CCDC171: variants seen among roughly 807,000 people sequenced by gnomAD.
CCDC171 encodes coiled-coil domain-containing protein 171.
In CCDC171, 177 loss-of-function variants were observed where a neutral mutation model predicts 168.2. The observed-to-expected ratio is 1.05, with a 90% CI of 0.93 to 1.19. The LOEUF (loss-of-function observed/expected upper bound fraction) is 1.19, where lower values mean the gene tolerates loss of function less well. CCDC171 is among the 50% of genes most tolerant of loss of function. CCDC171 has a pLI of 0.00. For synonymous variants in CCDC171, 687 were observed against 540.8 expected, an observed-to-expected ratio of 1.27 and a Z score of -3.75; for missense variants, 1,991 against 1,539.0, an observed-to-expected ratio of 1.29 and a Z score of -4.91.
Position 15,600,081 on chromosome 9 carries a change from C to T in CCDC171, c.675+5909C>T, listed in dbSNP as rs140504293. ...TTTTTCATCTTCTTTGCCATGGGTT[C>T]GAACTTCCTCCTTTAGCTCGGAGTA... On this transcript the variant is annotated intron_variant, in intron 6 of 25. Coordinates refer to ENST00000380701, the MANE Select transcript of CCDC171 (RefSeq NM_173550.4). Among the ~76,000 whole-genome samples, 34 of 152,232 alleles carry T rather than the reference C, an allele frequency of 2.2e-4. No homozygotes were observed. The East Asian group carries it at 5.4e-3, about 24-fold the overall frequency.
chr9:15,602,490 C>G lies in CCDC171; in HGVS notation c.675+8318C>G, dbSNP rs183700084. Among the ~76,000 whole-genome samples, 5 of 152,050 alleles carry G rather than the reference C, an allele frequency of 3.3e-5. No individual in the cohort carries two copies. The East Asian group carries it at 5.8e-4, about 18-fold the overall frequency. On this transcript the variant is annotated intron_variant, in intron 6 of 25. Transcript: ENST00000380701. ...TTCAGACCCACCATAAAAAGAAAAT[C>G]TCAATTTTATGCCATATTCTTTTTC...
At chr9:15,659,410 G>A (rs557246155) in intron 8 of CCDC171, among the ~76,000 whole-genome samples, 1 of 152,140 alleles carries the variant, frequency 6.6e-6, no homozygotes, top group South Asian at 2.1e-4. Flanking sequence ...AATAAATATG[G>A]TATTTGTTAT....
At chr9:15,705,258 T>G (rs2052126246) in intron 11 of CCDC171, among the ~76,000 whole-genome samples, 1 of 152,192 alleles carries the variant, frequency 6.6e-6, no homozygotes, top group Non-Finnish European at 1.5e-5. Flanking sequence ...TTGGCAATTA[T>G]ACTTCTGTAA....
intron 6 of CCDC171, among the ~76,000 whole-genome samples, chr9:15,622,654 C>G (rs1250749548): frequency 1.3e-5 from 2 of 152,166 alleles, no homozygotes; most frequent in African/African-American, 4.8e-5. Context: ...CAATAAAATT[C>G]AACTCCCATT....
intron 3 of CCDC171, among the ~76,000 whole-genome samples, chr9:15,572,598 T>C (rs2040320452): frequency 6.6e-6 from 1 of 152,226 alleles, no homozygotes; most frequent in South Asian, 2.1e-4. Flanking sequence ...GTAAACAGTA[T>C]GTTTTTCTTC....
intron 8 of CCDC171, among the ~76,000 whole-genome samples, chr9:15,661,350 C>A (rs982119952): frequency 6.7e-6 from 1 of 149,750 alleles, no homozygotes; most frequent in Admixed American, 6.6e-5. Context: ...GTTTTAAATT[C>A]ATGAAAAAAA....
At chr9:15,773,685 C>T (rs1288832536) in intron 18 of CCDC171, among the ~76,000 whole-genome samples, 1 of 148,570 alleles carries the variant, frequency 6.7e-6, no homozygotes, top group African/African-American at 2.5e-5. Context: ...AATAATTTTA[C>T]AACTGTATCA....
At chr9:15,737,078 T>G (rs1027973712) in intron 16 of CCDC171, among the ~76,000 whole-genome samples, 3 of 151,636 alleles carry the variant, frequency 2.0e-5, no homozygotes, top group African/African-American at 7.3e-5. Context: ...TTTCTCGGAT[T>G]TTTTTTTTCT....
intron 16 of CCDC171, among the ~76,000 whole-genome samples, chr9:15,744,022 A>G (rs1260371685): frequency 6.6e-6 from 1 of 152,204 alleles, no homozygotes; most frequent in East Asian, 1.9e-4. Context: ...ATAGTCTTAA[A>G]TTTATGTGTT....
chr9:16,048,069 C>T (rs1048329570), intron 1 of CCDC171, among the ~76,000 whole-genome samples: 34 of 152,210 alleles, frequency 2.2e-4, no homozygotes, highest in Non-Finnish European at 7.3e-5. Context: ...TGGAAATGCA[C>T]AGGCAGAGGA....
the CCDC171 span, among the ~76,000 whole-genome samples, chr9:16,105,754 G>A: frequency 6.6e-6 from 1 of 152,122 alleles, no homozygotes. Flanking sequence ...ATGCTACATT[G>A]GCCAGTTGCT....
At chr9:15,643,718 C>G (rs1362949674) in intron 7 of CCDC171, among the ~76,000 whole-genome samples, 2 of 152,176 alleles carry the variant, frequency 1.3e-5, no homozygotes, top group Non-Finnish European at 2.9e-5. Flanking sequence ...GCAGCTACTG[C>G]CCTTTTCGTT....
At chr9:15,671,682 G>A (rs202109491) in intron 9 of CCDC171, among the ~76,000 whole-genome samples, 8 of 124,578 alleles carry the variant, frequency 6.4e-5, no homozygotes, top group African/African-American at 1.1e-4. Flanking sequence ...TGCAAAGGAC[G>A]TGAGCTCATC....
intron 7 of CCDC171, among the ~76,000 whole-genome samples, chr9:15,648,482 T>C (rs1165720330): frequency 6.6e-6 from 1 of 152,174 alleles, no homozygotes; most frequent in Non-Finnish European, 1.5e-5. Flanking sequence ...ATGACATGAT[T>C]GTATATTTAG....
chr9:15,848,782 G>T, intron 22 of CCDC171, 111 bp from the exon 23 acceptor site: 1 of 522,850 alleles, frequency 1.9e-6, no homozygotes, highest in South Asian at 3.1e-5. Flanking sequence ...AATAAAAGGA[G>T]AACAGTGATA....
At chr9:15,697,014 A>G (rs996368912) in intron 11 of CCDC171, among the ~76,000 whole-genome samples, 3 of 151,968 alleles carry the variant, frequency 2.0e-5, no homozygotes, top group South Asian at 2.1e-4. Context: ...TTGCTGATCC[A>G]TTCTCCTCTG....
At chr9:15,627,672 G>T (rs1039813830) in intron 7 of CCDC171, among the ~76,000 whole-genome samples, 2 of 152,170 alleles carry the variant, frequency 1.3e-5, no homozygotes, top group African/African-American at 4.8e-5. Flanking sequence ...AATGCACTGT[G>T]GTCTTAGAGA....
chr9:15,629,688 T>G (rs138614843), intron 7 of CCDC171, among the ~76,000 whole-genome samples: 1 of 152,098 alleles, frequency 6.6e-6, no homozygotes, highest in South Asian at 2.1e-4. Context: ...GCCACAAAGA[T>G]GCCCCTCAAG....
intron 25 of CCDC171, among the ~76,000 whole-genome samples, chr9:15,927,870 T>C (rs1826060893): frequency 6.6e-6 from 1 of 151,752 alleles, no homozygotes; most frequent in Non-Finnish European, 1.5e-5. Flanking sequence ...TAAGTGTTTT[T>C]CTCCAGGTAA....
Sources: gnomAD v4.1 joint callset for allele counts (sites outside exome capture counted in the v4.1 genomes callset) on GRCh38, gnomAD v4.1.1 for gene constraint, MANE v1.5 for transcripts, NCBI Gene and HGNC (gene_info 2026-07-23, HGNC 2026-07-21) for gene names.